Variants in ZNF880 observed in about 807,000 individuals in gnomAD.
ZNF880 encodes zinc finger protein 880.
In ZNF880, 12 loss-of-function variants were observed where a neutral mutation model predicts 11.8. That is an observed-to-expected ratio of 1.02 (90% confidence interval 0.65 to 1.65). The LOEUF (loss-of-function observed/expected upper bound fraction) is 1.65. Ranked by LOEUF, ZNF880 falls within the 40% of genes most tolerant of loss-of-function variation. ZNF880 has a pLI of 0.00. For missense variants in ZNF880, 601 were observed against 673.9 expected (o/e 0.89, Z 1.20); for synonymous variants, 210 against 232.4 (o/e 0.90, Z 0.88).
upstream of ZNF880, chr19:52,367,038 C>T: frequency 2.6e-6 from 1 of 386,808 alleles, no homozygotes. Context: ...TCACATTTAA[C>T]TGCTGGCACC....
At chr19:52,394,935 T>G in the ZNF880 span, 4 of 152,470 alleles carry the variant, frequency 2.6e-5, no homozygotes, top group African/African-American at 7.2e-5. Context: ...CCTGCACCCT[T>G]CTGATATTGA....
At position 52,384,957 on chromosome 19, in the gene ZNF880, T is replaced by G. The variant is rs56151179; in HGVS notation, c.1377T>G (p.Thr459=). 6.3e-7 allele frequency: 1 copy of G among 1,576,772 alleles called. No individual in the cohort carries two copies. The highest frequency in any genetic ancestry group is 8.6e-7 in the Non-Finnish European group (1 of 1,160,952). The stretch of plus-strand genomic sequence containing the variant: ...TAAGCAATCATCAGAGATTTCATAC[T>G]GGAGAGAAACCTTACAGATGTGATG... The part of the protein sequence containing the change: ...LSLSNHQRFH[T]GEKPYRCDEC... The change falls in exon 4 of 4, where the codon ACT becomes ACG. Residue 459 remains threonine, a synonymous_variant. Transcript: ENST00000422689.
At chr19:52,375,789 G>A (rs557429464) in intron 3 of ZNF880, among the ~76,000 whole-genome samples, 1 of 151,972 alleles carries the variant, frequency 6.6e-6, no homozygotes, top group African/African-American at 2.4e-5. Flanking sequence ...ATCTTGCTCT[G>A]CCTGCCAAGT....
In ZNF880 at chr19:52,384,437, A is replaced by T. The variant is rs1456868440; in HGVS notation, c.857A>T (p.His286Leu). 6.2e-7 allele frequency: 1 copy of T among 1,614,168 alleles called. No homozygotes were observed. Among genetic ancestry groups the T allele is most frequent in the Admixed American group, 1.7e-5 (1 of 60,016 alleles). ...VFTQNSHLANHHRIHTGEKPY... is the reference protein window; with the variant it reads ...VFTQNSHLANLHRIHTGEKPY... ...ACTCAAAATTCTCACCTTGCAAATCATCACAGAATCCACACTGGAGAGAAA... is the reference window on the plus strand; with the variant it reads ...ACTCAAAATTCTCACCTTGCAAATCTTCACAGAATCCACACTGGAGAGAAA... The change falls in exon 4 of 4, where the codon CAT (histidine) becomes CTT (leucine). Residue 286 changes from histidine (H) to leucine (L), a missense_variant. Physicochemically the swap from His to Leu is moderately conservative, Grantham distance 99 (BLOSUM62 -3). Coordinates refer to ENST00000422689, the MANE Select transcript of ZNF880 (RefSeq NM_001145434.2).
chr19:52,371,607 C>T (rs1251432483), intron 1 of ZNF880, among the ~76,000 whole-genome samples: 1 of 152,034 alleles, frequency 6.6e-6, no homozygotes, highest in East Asian at 1.9e-4. Flanking sequence ...AACTCCTGAC[C>T]TCAAATGATC....
the ZNF880 span, among the ~76,000 whole-genome samples, chr19:52,392,972 C>T: frequency 6.6e-6 from 1 of 152,060 alleles, no homozygotes; most frequent in East Asian, 1.9e-4. Flanking sequence ...CAGGTGTGAG[C>T]CACTGCACCC....
chr19:52,373,038 A>C (rs774861415), intron 1 of ZNF880, 73 bp from the exon 2 acceptor site: 1 of 1,533,898 alleles, frequency 6.5e-7, no homozygotes, highest in Non-Finnish European at 9.0e-7. Context: ...ATCCACTTCA[A>C]TCAAGTCAGT....
At chr19:52,376,740 C>T (rs1291447367) in intron 3 of ZNF880, among the ~76,000 whole-genome samples, 3 of 152,036 alleles carry the variant, frequency 2.0e-5, no homozygotes, top group Non-Finnish European at 4.4e-5. Context: ...AAACTATTCA[C>T]CTCAGGTGAT....
chr19:52,370,201 A>G, intron 1 of ZNF880: 1 of 603,338 alleles, frequency 1.7e-6, no homozygotes, highest in Non-Finnish European at 2.9e-6. Context: ...CCATGTAGAC[A>G]GCTCCTGTCG....
upstream of ZNF880, among the ~76,000 whole-genome samples, chr19:52,369,537 A>G (rs900011025): frequency 6.6e-5 from 10 of 151,778 alleles, no homozygotes; most frequent in Middle Eastern, 3.4e-3. Flanking sequence ...CCAATTTGTT[A>G]TTTATGATTA....
the ZNF880 span, chr19:52,390,810 T>C: frequency 6.6e-6 from 1 of 152,428 alleles, no homozygotes; most frequent in African/African-American, 2.4e-5. Flanking sequence ...CGAATGCCTG[T>C]AATCCCAGCT....
chr19:52,388,953 A>G (rs1055243496), downstream of ZNF880: 5 of 152,232 alleles, frequency 3.3e-5, no homozygotes, highest in African/African-American at 9.6e-5. Flanking sequence ...GTGGCGGGCA[A>G]GAGAGAGCCC....
downstream of ZNF880, among the ~76,000 whole-genome samples, chr19:52,388,064 G>C (rs1461032341): frequency 8.9e-6 from 1 of 111,928 alleles, no homozygotes; most frequent in Non-Finnish European, 1.9e-5. Context: ...ATTTTTAGTA[G>C]AGACAAGGTT....
intron 3 of ZNF880, among the ~76,000 whole-genome samples, chr19:52,376,752 C>G (rs1374272935): frequency 6.6e-6 from 1 of 152,084 alleles, no homozygotes; most frequent in African/African-American, 2.4e-5. Flanking sequence ...TCAGGTGATC[C>G]ACCCGCCTTG....
chr19:52,374,388 A>G lies in ZNF880; in HGVS notation c.229A>G (p.Asn77Asp), dbSNP rs752808036. The G allele has an allele frequency of 6.2e-7, 1 of 1,613,292 alleles. No homozygotes were observed. The highest frequency in any genetic ancestry group is 8.5e-7 in the Non-Finnish European group (1 of 1,179,670). ...NLQSEVKIAN[N>D]PGGRECIKGV... is the part of the protein sequence containing the mutation. ...GCAGAGTGAAGTGAAAATAGCAAACAATCCAGGTGGCAGGGAGTGCATCAA... is the reference window on the plus strand; with the variant it reads ...GCAGAGTGAAGTGAAAATAGCAAACGATCCAGGTGGCAGGGAGTGCATCAA... Residue 77 changes from asparagine (N) to aspartate (D), a missense_variant, in exon 3 of 4, where the codon AAT (asparagine) becomes GAT (aspartate). Physicochemically the swap from Asn to Asp is conservative, Grantham distance 23. Around this residue, in one of 3 missense-constraint regions of ZNF880, gnomAD observed 420 missense variants for 442.6 expected, o/e 0.95. Coordinates refer to ENST00000422689, the MANE Select transcript of ZNF880 (RefSeq NM_001145434.2).
the ZNF880 span, among the ~76,000 whole-genome samples, chr19:52,393,993 C>A: frequency 6.7e-6 from 1 of 149,614 alleles, no homozygotes; most frequent in Admixed American, 6.7e-5. Flanking sequence ...CCCGCCACCA[C>A]ACCTGGCTAA....
At chr19:52,374,838 G>T in intron 3 of ZNF880, 1 of 362,788 alleles carries the variant, frequency 2.8e-6, no homozygotes, top group Non-Finnish European at 5.1e-6. Flanking sequence ...GGGCTCATAT[G>T]ATCATCTCAC....
chr19:52,367,804 G>A (rs572238097), upstream of ZNF880: 1 of 152,218 alleles, frequency 6.6e-6, no homozygotes, highest in East Asian at 1.9e-4. Context: ...CCTCTTTCTT[G>A]TGTGCCAAAT....
chr19:52,384,271 C>G lies in ZNF880; in HGVS notation c.691C>G (p.Gln231Glu). The G allele has an allele frequency of 6.2e-7, 1 of 1,613,534 alleles. No homozygotes were observed. Among genetic ancestry groups the G allele is most frequent in the Non-Finnish European group, 8.5e-7 (1 of 1,179,706 alleles). ...FSNSSNLVQHQRIHTGEKPYK... is the reference protein window; with the variant it reads ...FSNSSNLVQHERIHTGEKPYK... ...TAACAGTTCAAACCTTGTACAACAT[C>G]AAAGAATTCATACTGGAGAGAAGCC... The change falls in exon 4 of 4, where the codon CAA (glutamine) becomes GAA (glutamate). Residue 231 changes from glutamine to glutamate, a missense_variant. Transcript: ENST00000422689.
Sources: gnomAD v4.1 joint callset for allele counts (sites outside exome capture counted in the v4.1 genomes callset) on GRCh38, gnomAD v4.1.1 for gene constraint, gnomAD v4.1.1 regional missense constraint, MANE v1.5 for transcripts, NCBI Gene and HGNC (gene_info 2026-07-23, HGNC 2026-07-21) for gene names.